Variants in CACNA1E observed in about 807,000 individuals in gnomAD.
CACNA1E encodes the protein voltage-dependent R-type calcium channel subunit alpha-1E.
A neutral mutation model predicts 259.2 loss-of-function variants in CACNA1E; 40 were observed. The observed-to-expected ratio is 0.15, with a 90% confidence interval of 0.12 to 0.20. CACNA1E has a LOEUF of 0.20. Ranked by LOEUF, CACNA1E falls within the 10% of genes least tolerant of loss-of-function variation. The probability of loss-of-function intolerance (pLI) is 1.00; values close to 1 mark genes in which losing one functional copy is unlikely to be tolerated. For synonymous variants in CACNA1E, 1,104 were observed against 1,138.5 expected (o/e 0.97, Z 0.61); for missense variants, 1,874 against 3,040.1 (o/e 0.62, Z 9.02).
intron 6 of CACNA1E, among the ~76,000 whole-genome samples, chr1:181,648,536 TC>T (rs990073646): frequency 3.5e-4 from 53 of 152,230 alleles, no homozygotes; most frequent in African/African-American, 1.2e-3. Context: ...TAAATAATGT[TC>T]TTTTTTTGTG....
intron 6 of CACNA1E, among the ~76,000 whole-genome samples, chr1:181,619,770 G>T (rs1342475519): frequency 1.3e-5 from 2 of 152,128 alleles, no homozygotes. Context: ...TGGGATATGC[G>T]AGACAAAGGG....
intron 3 of CACNA1E, among the ~76,000 whole-genome samples, chr1:181,540,766 A>G (rs940089019): frequency 3.3e-5 from 5 of 152,186 alleles, no homozygotes; most frequent in African/African-American, 9.7e-5. Context: ...GTATTTTTCC[A>G]TAATTTTCCA....
intron 43 of CACNA1E, among the ~76,000 whole-genome samples, chr1:181,786,812 T>G (rs1660883097): frequency 6.6e-6 from 1 of 152,236 alleles, no homozygotes; most frequent in Non-Finnish European, 1.5e-5. Context: ...GGAATGAGAC[T>G]TCTGTCGGAG....
At chr1:181,387,414 C>T (rs908816348) in intron 1 of CACNA1E, among the ~76,000 whole-genome samples, 1 of 152,192 alleles carries the variant, frequency 6.6e-6, no homozygotes, top group African/African-American at 2.4e-5. Flanking sequence ...GTTTTAGGCT[C>T]AGCTTGAGGC....
At chr1:181,775,820 A>G (rs745859938) in intron 37 of CACNA1E, among the ~76,000 whole-genome samples, 37 of 152,236 alleles carry the variant, frequency 2.4e-4, no homozygotes, top group Non-Finnish European at 4.7e-4. Flanking sequence ...GTTACAGCAG[A>G]GACCACACAG....
At chr1:181,559,831 G>A (rs1217582213) in intron 3 of CACNA1E, among the ~76,000 whole-genome samples, 1 of 152,114 alleles carries the variant, frequency 6.6e-6, no homozygotes, top group Non-Finnish European at 1.5e-5. Context: ...AGCTGTGTCA[G>A]AAGAGAGCAC....
intron 1 of CACNA1E, among the ~76,000 whole-genome samples, chr1:181,371,222 G>C (rs1459840855): frequency 6.6e-6 from 1 of 152,102 alleles, no homozygotes; most frequent in Non-Finnish European, 1.5e-5. Flanking sequence ...TAGGTTGTCT[G>C]TTTATTGATG....
intron 1 of CACNA1E, among the ~76,000 whole-genome samples, chr1:181,401,020 C>A (rs1024898898): frequency 6.6e-6 from 1 of 152,164 alleles, no homozygotes; most frequent in Non-Finnish European, 1.5e-5. Flanking sequence ...GATCTGCCCC[C>A]CAACATTACA....
chr1:181,345,251 A>G (rs1419410610), intron 1 of CACNA1E, among the ~76,000 whole-genome samples: 1 of 152,260 alleles, frequency 6.6e-6, no homozygotes, highest in Admixed American at 6.5e-5. Context: ...TGCTGATTGC[A>G]TTGGAGTGCT....
intron 1 of CACNA1E, among the ~76,000 whole-genome samples, chr1:181,341,618 C>G (rs1004850340): frequency 5.3e-5 from 8 of 152,182 alleles, no homozygotes; most frequent in Non-Finnish European, 1.2e-4. Context: ...CAGAGACCAG[C>G]CCTGCATGGG....
intron 1 of CACNA1E, among the ~76,000 whole-genome samples, chr1:181,506,137 C>T (rs1665687574): frequency 6.6e-6 from 1 of 152,202 alleles, no homozygotes; most frequent in South Asian, 2.1e-4. Context: ...CATCTTGTCC[C>T]TGATTGTGGT....
intron 3 of CACNA1E, among the ~76,000 whole-genome samples, chr1:181,556,175 T>C (rs911484347): frequency 1.3e-5 from 2 of 152,134 alleles, no homozygotes; most frequent in African/African-American, 2.4e-5. Context: ...AAATTCGTTA[T>C]AGACTAGAGT....
intron 7 of CACNA1E, among the ~76,000 whole-genome samples, chr1:181,710,636 G>A (rs1213000135): frequency 6.6e-6 from 1 of 152,202 alleles, no homozygotes; most frequent in Non-Finnish European, 1.5e-5. Flanking sequence ...TTTTGTTGTA[G>A]CTGAAGAGGT....
intron 7 of CACNA1E, among the ~76,000 whole-genome samples, chr1:181,683,443 CTTTT>C (rs1327131191): frequency 2.0e-5 from 3 of 152,098 alleles, no homozygotes; most frequent in Admixed American, 6.5e-5. Context: ...TTTCTTTCTT[CTTTT>C]ATTTTAGGTT....
rs777516081 is a variant in CACNA1E at position 181,732,064 on chromosome 1, C to T, written c.2298-320C>T. ...AGCAAGGAGAGCAGGGGAGTGAAGA[C>T]GTGGTAAGCCTGTGGATGGCTGCCC... On this transcript the variant is annotated intron_variant, in intron 19 of 47. Transcript: ENST00000367573. This position sits in a 1 kb window ranked among gnomAD's most constrained non-coding sequence, Gnocchi z 5.5. Among the ~76,000 whole-genome samples the T allele has an allele frequency of 3.3e-5, 5 of 151,808 alleles. No individual in the cohort carries two copies. The highest frequency in any genetic ancestry group is 4.8e-5 in the African/African-American group (2 of 41,312).
intron 3 of CACNA1E, among the ~76,000 whole-genome samples, chr1:181,551,167 G>A (rs903289689): frequency 2.0e-5 from 3 of 152,190 alleles, no homozygotes; most frequent in Non-Finnish European, 2.9e-5. Context: ...ATGACAGGCT[G>A]TGTCTCCAGG....
intron 3 of CACNA1E, among the ~76,000 whole-genome samples, chr1:181,564,306 A>G (rs1034776683): frequency 6.6e-6 from 1 of 152,204 alleles, no homozygotes; most frequent in Admixed American, 6.5e-5. Flanking sequence ...ATGTAATATT[A>G]TAAATCCTTT....
At chr1:181,403,921 C>T (rs1030608018) in intron 1 of CACNA1E, among the ~76,000 whole-genome samples, 1 of 152,198 alleles carries the variant, frequency 6.6e-6, no homozygotes, top group African/African-American at 2.4e-5. Context: ...GATGTGGTGG[C>T]AGCGGTTTCA....
At chr1:181,757,305 C>T (rs749536141) in intron 30 of CACNA1E, among the ~76,000 whole-genome samples, 179 bp downstream of exon 30, 11 of 152,198 alleles carry the variant, frequency 7.2e-5, no homozygotes, top group Non-Finnish European at 1.5e-4. Flanking sequence ...TTAAGGCCCA[C>T]GTATGAGGCA....
Sources: gnomAD v4.1 joint callset for allele counts (sites outside exome capture counted in the v4.1 genomes callset) on GRCh38, gnomAD v4.1.1 for gene constraint, Gnocchi (gnomAD v3.1) non-coding constraint, MANE v1.5 for transcripts, NCBI Gene and HGNC (gene_info 2026-07-23, HGNC 2026-07-21) for gene names.